COL28A1: variants seen among roughly 807,000 people sequenced by gnomAD.
The protein encoded by COL28A1 is collagen alpha-1(XXVIII) chain.
In COL28A1, 161 loss-of-function variants were observed where a neutral mutation model predicts 150.2. The observed-to-expected ratio is 1.07, with a 90% CI of 0.94 to 1.22. The LOEUF (loss-of-function observed/expected upper bound fraction) is 1.22. Ranked by LOEUF, COL28A1 falls within the 50% of genes most tolerant of loss-of-function variation. COL28A1 has a pLI of 0.00. For missense variants in COL28A1, 1,617 were observed against 1,388.3 expected, an observed-to-expected ratio of 1.16 and a Z score of -2.62; for synonymous variants, 552 against 469.7, an observed-to-expected ratio of 1.18 and a Z score of -2.26.
At chr7:7,447,065 G>A (rs988591946) in intron 18 of COL28A1, among the ~76,000 whole-genome samples, 5 of 152,228 alleles carry the variant, frequency 3.3e-5, no homozygotes, top group South Asian at 2.1e-4. Context: ...TCACAATTCT[G>A]AGGGCATAAA....
At chr7:7,484,148 A>G (rs1779499508) in intron 13 of COL28A1, among the ~76,000 whole-genome samples, 1 of 152,188 alleles carries the variant, frequency 6.6e-6, no homozygotes, top group African/African-American at 2.4e-5. Context: ...TCACATTTAT[A>G]TGCATCATAA....
At chr7:7,451,708 TATAAA>T (rs1562695739) in intron 18 of COL28A1, among the ~76,000 whole-genome samples, 1 of 152,184 alleles carries the variant, frequency 6.6e-6, no homozygotes, top group African/African-American at 2.4e-5. Context: ...TACACATATG[TATAAA>T]CATATGTCAA....
intron 13 of COL28A1, among the ~76,000 whole-genome samples, chr7:7,484,518 C>T (rs1012627210): frequency 6.6e-6 from 1 of 151,810 alleles, no homozygotes; most frequent in African/African-American, 2.4e-5. Flanking sequence ...TAAAACTATA[C>T]AAATACTGAC....
chr7:7,460,591 C>G (rs531498587), intron 15 of COL28A1, among the ~76,000 whole-genome samples: 1 of 151,986 alleles, frequency 6.6e-6, no homozygotes, highest in East Asian at 1.9e-4. Flanking sequence ...ACCGTGTTAG[C>G]CAGGATGGTC....
At chr7:7,390,900 G>A (rs1187220087) in intron 27 of COL28A1, among the ~76,000 whole-genome samples, 2 of 151,354 alleles carry the variant, frequency 1.3e-5, no homozygotes, top group Non-Finnish European at 1.5e-5. Context: ...TCCAGCTAGT[G>A]GTCTATTGTG....
intron 27 of COL28A1, among the ~76,000 whole-genome samples, chr7:7,400,336 A>T (rs1282293117): frequency 2.0e-5 from 3 of 152,184 alleles, no homozygotes; most frequent in Non-Finnish European, 1.5e-5. Flanking sequence ...AGGAGAGAAG[A>T]AGGCCAAGCA....
chr7:7,372,263 G>A (rs1431782055), intron 32 of COL28A1, among the ~76,000 whole-genome samples: 1 of 151,676 alleles, frequency 6.6e-6, no homozygotes, highest in Non-Finnish European at 1.5e-5. Context: ...GCCGGGCATG[G>A]TGGCGCGTGC....
chr7:7,355,696 T>C (rs1780333288), downstream of COL28A1, among the ~76,000 whole-genome samples: 1 of 152,192 alleles, frequency 6.6e-6, no homozygotes, highest in Admixed American at 6.5e-5. Flanking sequence ...TTGATAAGAA[T>C]ATCAAGCAAT....
intron 6 of COL28A1, among the ~76,000 whole-genome samples, chr7:7,518,652 A>G (rs1781547372): frequency 6.6e-6 from 1 of 152,212 alleles, no homozygotes; most frequent in Non-Finnish European, 1.5e-5. Context: ...AAAGCAAACC[A>G]GTTTCACTGC....
At chr7:7,464,341 C>A (rs549765542) in intron 15 of COL28A1, among the ~76,000 whole-genome samples, 1 of 152,270 alleles carries the variant, frequency 6.6e-6, no homozygotes, top group African/African-American at 2.4e-5. Flanking sequence ...ACATTCTACC[C>A]AACAACCACA....
chr7:7,447,394 C>T (rs978522177), intron 18 of COL28A1, among the ~76,000 whole-genome samples: 4 of 151,788 alleles, frequency 2.6e-5, no homozygotes, highest in African/African-American at 9.7e-5. Flanking sequence ...GCCTAGGCAA[C>T]ATAGCAAGAC....
chr7:7,356,090 A>T (rs1780346636), downstream of COL28A1: 1 of 152,232 alleles, frequency 6.6e-6, no homozygotes, highest in South Asian at 2.1e-4. Flanking sequence ...CAAAAAAGCT[A>T]AATAATAAAT....
At chr7:7,536,658 G>C (rs1027794430), upstream of COL28A1, among the ~76,000 whole-genome samples, 4 of 152,116 alleles carry the variant, frequency 2.6e-5, no homozygotes, top group African/African-American at 9.7e-5. Context: ...CTTCTCCACG[G>C]ACTTCCTCTG....
chr7:7,426,241 G>A (rs1784635952), intron 25 of COL28A1, among the ~76,000 whole-genome samples: 1 of 152,176 alleles, frequency 6.6e-6, no homozygotes, highest in Non-Finnish European at 1.5e-5. Context: ...AGTGATGATA[G>A]CAGCTGCCTT....
Position 7,370,814 on chromosome 7 carries a change from C to G in COL28A1, c.2977G>C (p.Gly993Arg). 1.2e-6 allele frequency: 2 copies of G among 1,613,336 alleles called. No homozygotes were observed. Among genetic ancestry groups the G allele is most frequent in the East Asian group, 2.2e-5 (1 of 44,850 alleles). The change falls in exon 33 of 35, where the codon GGT becomes CGT. Residue 993 changes from glycine (G) to arginine (R), a missense_variant. Gly to Arg is a moderately radical substitution (Grantham distance 125). Coordinates refer to ENST00000399429, the MANE Select transcript of COL28A1 (RefSeq NM_001037763.3). ...AATCCAGGTTGAGGTGACGATGAAC[C>G]AAAAATTTGAACGAGATAGGAATCA... ...DFDSYLVQIF[G>R]SSSPQPGFGM...
chr7:7,457,038 A>G (rs1281921972), intron 15 of COL28A1, among the ~76,000 whole-genome samples: 1 of 152,210 alleles, frequency 6.6e-6, no homozygotes, highest in Non-Finnish European at 1.5e-5. Context: ...AACAGCAAGG[A>G]GACAGTGCGG....
Position 7,531,721 on chromosome 7 carries a change from T to A in COL28A1, c.308A>T (p.Gln103Leu), listed in dbSNP as rs775850541. ...CCAGGAAGAAAAAGGTGGATCAATTTGGACAGAGCTGCTAAACTGAAGGGC... is the reference window on the plus strand; with the variant it reads ...CCAGGAAGAAAAAGGTGGATCAATTAGGACAGAGCTGCTAAACTGAAGGGC... ...LAALQFSSSV[Q>L]IDPPFSSWKD... Residue 103 changes from glutamine (Q) to leucine (L), a missense_variant, in exon 3 of 35, where the codon CAA becomes CTA. Transcript: ENST00000399429. 3 of 1,606,242 alleles carry A rather than the reference T, an allele frequency of 1.9e-6. No individual in the cohort carries two copies. In the East Asian group the frequency reaches 6.7e-5, roughly 36 times the overall value.
At chr7:7,523,987 AT>A (rs1781885733) in intron 4 of COL28A1, among the ~76,000 whole-genome samples, 1 of 152,208 alleles carries the variant, frequency 6.6e-6, no homozygotes, top group Non-Finnish European at 1.5e-5. Context: ...CTCATGACTG[AT>A]TTCTAAAATC....
rs201482307 is a variant in COL28A1, at chr7:7,380,873, T to C, written c.2206-11A>G. ...TTCTCCGTGCTCTCCCTTTACACAATAGGGTAAAATGATAGGTTCAGAATG... is the reference window on the plus strand; with the variant it reads ...TTCTCCGTGCTCTCCCTTTACACAACAGGGTAAAATGATAGGTTCAGAATG... On this transcript the variant is annotated splice_polypyrimidine_tract_variant and intron_variant, in intron 28 of 34. Transcript: ENST00000399429. The C allele has an allele frequency of 1.1e-5, 17 of 1,604,270 alleles. No individual in the cohort carries two copies. The highest frequency in any genetic ancestry group is 6.7e-5 in the African/African-American group (5 of 74,602).
Sources: allele counts gnomAD v4.1 joint callset (sites outside exome capture counted in the v4.1 genomes callset), GRCh38; gene constraint gnomAD v4.1.1; transcripts MANE v1.5; gene names NCBI Gene and HGNC (gene_info 2026-07-23, HGNC 2026-07-21).